The following ESRRG variants were observed in gnomAD, a reference collection of about 807,000 sequenced individuals.
The protein encoded by ESRRG is estrogen-related receptor gamma.
Under a neutral mutation model 44.0 loss-of-function variants are expected in ESRRG, and 13 were observed. The observed-to-expected ratio is 0.30, with a 90% CI of 0.19 to 0.47. The LOEUF is 0.47. Among genes scored for constraint, ESRRG ranks in the 20% least tolerant of loss-of-function variants. ESRRG has a pLI of 1.00. For synonymous variants in ESRRG, 215 were observed against 214.6 expected (o/e 1.00, Z -0.02); for missense variants, 395 against 580.6 (o/e 0.68, Z 3.29).
chr1:216,963,801 C>G (rs2069659722), intron 1 of ESRRG, among the ~76,000 whole-genome samples: 2 of 152,088 alleles, frequency 1.3e-5, no homozygotes, highest in Admixed American at 6.6e-5. Context: ...GAAGCTAAAG[C>G]AGACACAGTC....
At chr1:216,973,800 T>C (rs2072254778) in intron 1 of ESRRG, among the ~76,000 whole-genome samples, 1 of 142,636 alleles carries the variant, frequency 7.0e-6, no homozygotes, top group African/African-American at 2.6e-5. Flanking sequence ...CACTCCAGTC[T>C]GGGCAACAAG....
chr1:217,088,949 C>T (rs562287175), intron 1 of ESRRG, among the ~76,000 whole-genome samples: 6 of 152,060 alleles, frequency 3.9e-5, no homozygotes, highest in African/African-American at 1.4e-4. Flanking sequence ...GCGACTCCCT[C>T]GGGAAGGTGA....
chr1:216,969,900 A>G (rs555715301), intron 1 of ESRRG, among the ~76,000 whole-genome samples: 94 of 152,244 alleles, frequency 6.2e-4, no homozygotes, highest in African/African-American at 2.1e-3. Context: ...TTTTCAAGCA[A>G]GAATGTTAAA....
chr1:216,652,386 T>C (rs1007300610), intron 2 of ESRRG, among the ~76,000 whole-genome samples: 7 of 152,206 alleles, frequency 4.6e-5, no homozygotes, highest in African/African-American at 1.7e-4. Context: ...CATTAGTGGA[T>C]TGCAGGGTAG....
At chr1:216,628,722 C>T (rs11117634) in intron 3 of ESRRG, among the ~76,000 whole-genome samples, 33,932 of 151,992 alleles carry the variant, frequency 0.22, 4,020 homozygotes, top group East Asian at 0.39. Flanking sequence ...CCTACTAAAA[C>T]ATAAATCTAA....
Position 217,060,788 on chromosome 1 carries a change from C to CTACA in ESRRG, c.-106+28718_-106+28719insTGTA, listed in dbSNP as rs2088216007. Among the ~76,000 whole-genome samples, 5 of 65,596 alleles carry CTACA rather than the reference C, an allele frequency of 7.6e-5. No homozygotes were observed. The East Asian group carries it at 2.3e-3, about 30-fold the overall frequency. The allele number at this position is 65,596 out of a possible 152,430, so 43.0% of individuals were successfully genotyped here. A position where few individuals can be genotyped will look rare whatever the true frequency, so the allele number is the denominator to read the frequency against. ...AATAAAATCAAAATGATATTGAACA[C>CTACA]TAGATAGATAGATAGATAGATAGAT... On this transcript the variant is annotated intron_variant, in intron 1 of 7. Coordinates refer to the ESRRG transcript ENST00000359162.
chr1:216,986,866 C>T (rs1348387054), intron 1 of ESRRG, among the ~76,000 whole-genome samples: 1 of 152,022 alleles, frequency 6.6e-6, no homozygotes, highest in Non-Finnish European at 1.5e-5. Flanking sequence ...GACAACAATC[C>T]TAAAAATTTA....
At chr1:216,867,375 C>A (rs1030847) in intron 2 of ESRRG, among the ~76,000 whole-genome samples, 32,324 of 152,102 alleles carry the variant, frequency 0.21, 3,495 homozygotes, top group Non-Finnish European at 0.23. Context: ...ACCCAAATGT[C>A]ATTATCTTAA....
At chr1:216,701,200 T>A (rs2081327132) in intron 1 of ESRRG, among the ~76,000 whole-genome samples, 1 of 152,226 alleles carries the variant, frequency 6.6e-6, no homozygotes, top group Non-Finnish European at 1.5e-5. Flanking sequence ...TGCTATTTTA[T>A]GAAATCGCTA....
intron 2 of ESRRG, among the ~76,000 whole-genome samples, chr1:216,860,435 A>G (rs11117711): frequency 0.065 from 9,960 of 152,148 alleles, 1,092 homozygotes; most frequent in African/African-American, 0.22. Flanking sequence ...CATAAAGAAA[A>G]TGACACCAGG....
At chr1:216,692,222 C>T (rs2079172680) in intron 1 of ESRRG, among the ~76,000 whole-genome samples, 1 of 151,848 alleles carries the variant, frequency 6.6e-6, no homozygotes, top group South Asian at 2.1e-4. Context: ...ATGCATGCTA[C>T]CGCCCTGAAG....
chr1:216,990,776 T>C (rs2075566946), intron 1 of ESRRG, among the ~76,000 whole-genome samples: 1 of 152,264 alleles, frequency 6.6e-6, no homozygotes, highest in South Asian at 2.1e-4. Flanking sequence ...AAATATGTGT[T>C]GAACCATGTT....
At chr1:217,107,638 T>C (rs76344338) in intron 1 of ESRRG, among the ~76,000 whole-genome samples, 4,767 of 152,278 alleles carry the variant, frequency 0.031, 274 homozygotes, top group African/African-American at 0.11. Context: ...AAGTTACCTA[T>C]TAGATATATG....
chr1:216,726,915 T>C (rs1234045286), upstream of ESRRG, among the ~76,000 whole-genome samples: 2 of 152,218 alleles, frequency 1.3e-5, no homozygotes, highest in African/African-American at 2.4e-5. Context: ...CCTCTAGTCA[T>C]ATACACCAGA....
At chr1:216,642,691 G>C (rs983644437) in intron 3 of ESRRG, among the ~76,000 whole-genome samples, 2 of 152,062 alleles carry the variant, frequency 1.3e-5, no homozygotes, top group Non-Finnish European at 2.9e-5. Flanking sequence ...TACCATTAAA[G>C]CTTTCTCCGT....
At chr1:216,537,856 A>T (rs2051460353) in intron 5 of ESRRG, among the ~76,000 whole-genome samples, 1 of 152,070 alleles carries the variant, frequency 6.6e-6, no homozygotes, top group South Asian at 2.1e-4. Flanking sequence ...TACCGATGCC[A>T]TTTGAGAACT....
At chr1:216,707,784 C>T (rs192175267) in intron 1 of ESRRG, among the ~76,000 whole-genome samples, 1 of 152,076 alleles carries the variant, frequency 6.6e-6, no homozygotes, top group Admixed American at 6.6e-5. Context: ...TTAAAAACTG[C>T]AAAAGAACAC....
At chr1:217,070,007 G>A (rs1405526969) in intron 1 of ESRRG, among the ~76,000 whole-genome samples, 1 of 152,106 alleles carries the variant, frequency 6.6e-6, no homozygotes, top group African/African-American at 2.4e-5. Flanking sequence ...ACAAAGATGT[G>A]ACTCTCCTCC....
intron 5 of ESRRG, among the ~76,000 whole-genome samples, chr1:216,545,082 G>A (rs1049146178): frequency 2.0e-5 from 3 of 151,524 alleles, no homozygotes; most frequent in African/African-American, 4.8e-5. Flanking sequence ...AGACGGGCTC[G>A]CTCTGTCACC....
Sources: gnomAD v4.1 joint callset for allele counts (sites outside exome capture counted in the v4.1 genomes callset) on GRCh38, gnomAD v4.1.1 for gene constraint, MANE v1.5 for transcripts, NCBI Gene and HGNC (gene_info 2026-07-23, HGNC 2026-07-21) for gene names.